FMN2: variants seen among roughly 807,000 people sequenced by gnomAD.
FMN2 encodes formin 2, also known as formin-2.
A neutral mutation model predicts 142.3 loss-of-function variants in FMN2; 51 were observed. The ratio of observed to expected loss-of-function variants is 0.36; its 90% CI spans 0.29 to 0.45. FMN2 has a LOEUF of 0.45. Ranked by LOEUF, FMN2 falls within the 20% of genes least tolerant of loss-of-function variation. The pLI, the probability that FMN2 is intolerant of heterozygous loss-of-function variation, is 1.00. For missense variants in FMN2, 1,936 were observed against 2,122.8 expected (o/e 0.91, Z 1.73); for synonymous variants, 882 against 869.8 (o/e 1.01, Z -0.25).
At chr1:240,244,268 G>A (rs1284097489) in intron 6 of FMN2, among the ~76,000 whole-genome samples, 1 of 152,152 alleles carries the variant, frequency 6.6e-6, no homozygotes, top group East Asian at 1.9e-4. Context: ...TTTAGACTGT[G>A]TGCAAATTAT....
intron 16 of FMN2, among the ~76,000 whole-genome samples, chr1:240,449,743 T>C (rs1476868691): frequency 1.3e-5 from 2 of 152,216 alleles, no homozygotes; most frequent in Non-Finnish European, 2.9e-5. Flanking sequence ...ATCATCATTA[T>C]TTAAATCATT....
chr1:240,096,248 A>G (rs1337394771), intron 1 of FMN2, among the ~76,000 whole-genome samples: 2 of 152,202 alleles, frequency 1.3e-5, no homozygotes, highest in African/African-American at 4.8e-5. Flanking sequence ...AAAACTGTTT[A>G]TAAAAAATGT....
intron 14 of FMN2, among the ~76,000 whole-genome samples, chr1:240,391,509 A>C (rs2103096869): frequency 6.6e-6 from 1 of 152,286 alleles, no homozygotes; most frequent in African/African-American, 2.4e-5. Context: ...TGTGACCCAA[A>C]GAGGAATGAT....
chr1:240,366,002 T>C (rs1201233772), intron 14 of FMN2, among the ~76,000 whole-genome samples: 1 of 152,082 alleles, frequency 6.6e-6, no homozygotes, highest in Non-Finnish European at 1.5e-5. Context: ...AAATAGATGG[T>C]GACAAGGGCA....
At chr1:240,338,511 G>T (rs186508567) in intron 13 of FMN2, among the ~76,000 whole-genome samples, 1 of 152,260 alleles carries the variant, frequency 6.6e-6, no homozygotes, top group Non-Finnish European at 1.5e-5. Context: ...AAAATATTAA[G>T]TGGAAAATTT....
intron 15 of FMN2, among the ~76,000 whole-genome samples, chr1:240,398,429 G>T (rs937903184): frequency 1.4e-4 from 21 of 152,180 alleles, no homozygotes; most frequent in Non-Finnish European, 2.8e-4. Context: ...AAAAGCTGAG[G>T]TCAAAGGCCT....
intron 1 of FMN2, among the ~76,000 whole-genome samples, chr1:240,116,233 G>T (rs1013682717): frequency 6.6e-6 from 1 of 152,172 alleles, no homozygotes; most frequent in African/African-American, 2.4e-5. Flanking sequence ...GTCTTCAGAG[G>T]CTTCACGTAG....
At chr1:240,283,583 A>G (rs1558410961) in intron 7 of FMN2, among the ~76,000 whole-genome samples, 1 of 152,204 alleles carries the variant, frequency 6.6e-6, no homozygotes, top group Non-Finnish European at 1.5e-5. Flanking sequence ...TGCTATATGC[A>G]GGACACTCTG....
chr1:240,431,194 C>G (rs1213598044), intron 15 of FMN2, among the ~76,000 whole-genome samples: 2 of 151,636 alleles, frequency 1.3e-5, no homozygotes, highest in Non-Finnish European at 2.9e-5. Flanking sequence ...AATAGTAATA[C>G]AAATTATATT....
intron 15 of FMN2, among the ~76,000 whole-genome samples, chr1:240,427,200 T>G (rs867920844): frequency 7.9e-6 from 1 of 126,260 alleles, no homozygotes; most frequent in African/African-American, 5.5e-5. Flanking sequence ...TATGGTTTTT[T>G]TTTTGTTTTT....
At chr1:240,209,636 G>T (rs1455605952) in intron 5 of FMN2, among the ~76,000 whole-genome samples, 1 of 149,616 alleles carries the variant, frequency 6.7e-6, no homozygotes. Flanking sequence ...CGGGTGCGGT[G>T]GCTCACGCCT....
At chr1:240,302,785 A>T (rs1411013892) in intron 8 of FMN2, among the ~76,000 whole-genome samples, 1 of 152,086 alleles carries the variant, frequency 6.6e-6, no homozygotes, top group Admixed American at 6.6e-5. Context: ...TTTGCCTGAT[A>T]TCTAAGTATA....
At chr1:240,215,765 G>A (rs1044938546) in intron 6 of FMN2, among the ~76,000 whole-genome samples, 1 of 151,988 alleles carries the variant, frequency 6.6e-6, no homozygotes, top group Non-Finnish European at 1.5e-5. Flanking sequence ...TTGGTGTGCA[G>A]TGGCATGATC....
intron 8 of FMN2, among the ~76,000 whole-genome samples, chr1:240,312,431 C>T (rs1670629889): frequency 6.6e-6 from 1 of 152,176 alleles, no homozygotes; most frequent in Non-Finnish European, 1.5e-5. Flanking sequence ...TGCTTGTAAA[C>T]CTAGACATTG....
At chr1:240,466,958 G>A (rs760860550) in intron 16 of FMN2, among the ~76,000 whole-genome samples, 11 of 152,184 alleles carry the variant, frequency 7.2e-5, no homozygotes, top group Non-Finnish European at 1.5e-4. Context: ...GAGTCCTACT[G>A]CTCTCATTAA....
intron 6 of FMN2, among the ~76,000 whole-genome samples, chr1:240,237,250 T>G (rs983405923): frequency 6.6e-6 from 1 of 152,196 alleles, no homozygotes; most frequent in Non-Finnish European, 1.5e-5. Context: ...GTGCGGATAA[T>G]TAACAGGTAT....
chr1:240,388,448 A>G (rs1392839621), intron 14 of FMN2, among the ~76,000 whole-genome samples: 1 of 152,126 alleles, frequency 6.6e-6, no homozygotes, highest in Non-Finnish European at 1.5e-5. Context: ...TGGGATCTGA[A>G]GATGAGAGGC....
chr1:240,348,216 T>TTC (rs2103036851), intron 13 of FMN2, among the ~76,000 whole-genome samples: 1 of 112,192 alleles, frequency 8.9e-6, no homozygotes, highest in African/African-American at 4.1e-5. Context: ...ATATGTTGTT[T>TTC]TTTTTACTTT....
Position 240,322,842 on chromosome 1 carries a change from G to C in FMN2, c.4216-6234G>C, listed in dbSNP as rs74151624. On this transcript the variant is annotated intron_variant, in intron 8 of 17. Transcript: ENST00000319653. Reference sequence around the variant, plus strand: ...TGGTCCCCTTGGTGTTCCATGGCAAGCATGTTGCCATTTATCCTTTGCAAG... The same window carrying C: ...TGGTCCCCTTGGTGTTCCATGGCAACCATGTTGCCATTTATCCTTTGCAAG... Among the ~76,000 whole-genome samples the C allele has an allele frequency of 5.4e-3, 825 of 152,216 alleles. 8 individuals carry two copies. The highest frequency in any genetic ancestry group is 0.019 in the African/African-American group (774 of 41,524).
Sources: gnomAD v4.1 joint callset for allele counts (sites outside exome capture counted in the v4.1 genomes callset) on GRCh38, gnomAD v4.1.1 for gene constraint, MANE v1.5 for transcripts, NCBI Gene and HGNC (gene_info 2026-07-23, HGNC 2026-07-21) for gene names.